The following LEPR variants were observed in gnomAD, a reference collection of about 807,000 sequenced individuals.
LEPR encodes the protein leptin receptor.
LEPR carries 56 observed loss-of-function variants against 114.7 expected under a neutral mutation model. The ratio of observed to expected loss-of-function variants is 0.49; its 90% CI spans 0.39 to 0.61. The LOEUF (loss-of-function observed/expected upper bound fraction) is 0.61. LEPR is among the 20% of genes least tolerant of loss of function. The pLI is 0.00. For synonymous variants in LEPR, 443 were observed against 461.4 expected, an observed-to-expected ratio of 0.96 and a Z score of 0.51; for missense variants, 1,202 against 1,352.9, an observed-to-expected ratio of 0.89 and a Z score of 1.75.
intron 1 of LEPR, among the ~76,000 whole-genome samples, chr1:65,423,209 T>C (rs1467456798): frequency 6.6e-6 from 1 of 152,142 alleles, no homozygotes; most frequent in East Asian, 1.9e-4. Flanking sequence ...TAGGACCTAC[T>C]CTGGGCTGGA....
At chr1:65,515,089 A>G (rs1238488930) in intron 2 of LEPR, among the ~76,000 whole-genome samples, 2 of 152,236 alleles carry the variant, frequency 1.3e-5, no homozygotes, top group African/African-American at 4.8e-5. Flanking sequence ...CCAGGATCTC[A>G]GCCAGCAGAT....
At chr1:65,635,288 G>C in intron 19 of LEPR, 4 of 980,232 alleles carry the variant, frequency 4.1e-6, no homozygotes, top group Non-Finnish European at 4.8e-6. Context: ...TGTATCAACA[G>C]CTTTTTTTAT....
chr1:65,432,164 T>C, intron 2 of LEPR: 1 of 1,150,260 alleles, frequency 8.7e-7, no homozygotes, highest in Non-Finnish European at 1.1e-6. Flanking sequence ...GTAGTCACGG[T>C]GCTCTCAGAA....
chr1:65,488,202 T>TCTCTCTCTCTCTC (rs1647637213), intron 2 of LEPR, among the ~76,000 whole-genome samples: 1 of 29,418 alleles, frequency 3.4e-5, no homozygotes, highest in Non-Finnish European at 6.8e-5. Flanking sequence ...CTTTCTTTCT[T>TCTCTCTCTCTCTC]TCTTTCTTTC....
chr1:65,607,737 C>A (rs1656905163), intron 11 of LEPR, among the ~76,000 whole-genome samples: 1 of 152,064 alleles, frequency 6.6e-6, no homozygotes, highest in Admixed American at 6.5e-5. Context: ...TTCCATATTG[C>A]CTGTTATTGT....
intron 19 of LEPR, among the ~76,000 whole-genome samples, chr1:65,624,342 A>G (rs1658064572): frequency 6.6e-6 from 1 of 151,912 alleles, no homozygotes; most frequent in Non-Finnish European, 1.5e-5. Context: ...GACAAGTGTT[A>G]TTCTCTCTAT....
rs970180662 is a variant in LEPR, at chr1:65,434,698, A to G, written c.-21+9320A>G. The G allele has an allele frequency of 7.0e-5, 69 of 984,792 alleles. No homozygotes were observed. The African/African-American group carries it at 1.1e-3, about 16-fold the overall frequency. 61.0% of individuals were successfully genotyped at this position (984,792 alleles called of 1,614,324 possible). On this transcript the variant is annotated intron_variant, in intron 2 of 19. Coordinates refer to ENST00000349533, the MANE Select transcript of LEPR (RefSeq NM_002303.6). ...AGGTCTTTCTCCTTTTAATTTTTCC[A>G]CTCATTTTCACCTCCTAATGCCCTT...
chr1:65,437,152 T>C (rs1419401071), intron 2 of LEPR, among the ~76,000 whole-genome samples: 1 of 152,076 alleles, frequency 6.6e-6, no homozygotes, highest in Non-Finnish European at 1.5e-5. Context: ...TGAACACAGG[T>C]TTTAATCGGA....
chr1:65,636,770 A>G lies in LEPR; in HGVS notation c.3253A>G (p.Ile1085Val), dbSNP rs754019392. Residue 1085 changes from isoleucine (I) to valine (V), a missense_variant, in exon 20 of 20, where the codon ATC becomes GTC. Coordinates refer to ENST00000349533, the MANE Select transcript of LEPR (RefSeq NM_002303.6). ...TATCTATTATTTAGGGGTCACCTCA[A>G]TCAAAAAGAGAGAGAGTGGTGTGCT... ...KSIYYLGVTS[I>V]KKRESGVLLT... The G allele has an allele frequency of 3.3e-5, 54 of 1,613,970 alleles. No homozygotes were observed. The South Asian group carries it at 3.8e-4, about 11-fold the overall frequency.
intron 5 of LEPR, among the ~76,000 whole-genome samples, chr1:65,580,244 G>A (rs10493379): frequency 0.3 from 45,255 of 151,934 alleles, 7,655 homozygotes; most frequent in East Asian, 0.83. Flanking sequence ...CTAATTCAAT[G>A]GGTAGAGCTG....
intron 2 of LEPR, among the ~76,000 whole-genome samples, chr1:65,456,592 G>T (rs2100355325): frequency 6.6e-6 from 1 of 152,170 alleles, no homozygotes; most frequent in East Asian, 1.9e-4. Flanking sequence ...AACTATTTTT[G>T]CTTTGAAGTC....
intron 2 of LEPR, among the ~76,000 whole-genome samples, chr1:65,474,727 G>T (rs1031650364): frequency 6.6e-6 from 1 of 152,116 alleles, no homozygotes; most frequent in African/African-American, 2.4e-5. Flanking sequence ...GCAAGAAAAG[G>T]CCAGGTGCGG....
chr1:65,628,036 A>G (rs941411962), intron 19 of LEPR, among the ~76,000 whole-genome samples: 20 of 152,112 alleles, frequency 1.3e-4, no homozygotes, highest in African/African-American at 4.8e-4. Context: ...CTGAACCTAT[A>G]ATTATGTTAA....
chr1:65,473,876 A>C (rs898020946), intron 2 of LEPR, among the ~76,000 whole-genome samples: 5 of 152,218 alleles, frequency 3.3e-5, no homozygotes, highest in Non-Finnish European at 2.9e-5. Context: ...GTTAGCTATA[A>C]TTATAAGAAA....
At chr1:65,521,398 A>G (rs1649629948) in intron 2 of LEPR, among the ~76,000 whole-genome samples, 1 of 152,074 alleles carries the variant, frequency 6.6e-6, no homozygotes, top group South Asian at 2.1e-4. Flanking sequence ...ATCTAGGATA[A>G]TCTCTTGCAT....
chr1:65,633,542 G>A lies in LEPR; in HGVS notation c.2674-2649G>A. On this transcript the variant is annotated intron_variant, in intron 19 of 19. Transcript: ENST00000349533. The surrounding 1 kb of genome is among the most constrained non-coding windows in gnomAD (Gnocchi z 4.1). ...TGTCATCAAATATGTAGTAGACAAT[G>A]CTGTAATTAGGTGAACTCTAAAACT... 3 of 1,021,414 alleles carry A rather than the reference G, an allele frequency of 2.9e-6. No homozygotes were observed. The highest frequency in any genetic ancestry group is 1.2e-6 in the Non-Finnish European group (1 of 852,428). 63.3% of individuals were successfully genotyped at this position (1,021,414 alleles called of 1,614,324 possible). A position where few individuals can be genotyped will look rare whatever the true frequency, so the allele number is the denominator to read the frequency against.
chr1:65,602,227 T>C (rs983423989), intron 10 of LEPR, among the ~76,000 whole-genome samples: 1 of 152,088 alleles, frequency 6.6e-6, no homozygotes, highest in Non-Finnish European at 1.5e-5. Context: ...GTATTTTAAC[T>C]CTTGAATGAA....
chr1:65,431,843 CA>C (rs765943423), intron 2 of LEPR: 13 of 1,613,972 alleles, frequency 8.1e-6, no homozygotes, highest in Non-Finnish European at 1.0e-5. Flanking sequence ...GCAGGCAATG[CA>C]GTCATTTTCC....
At chr1:65,551,577 G>T (rs1037234009) in intron 2 of LEPR, among the ~76,000 whole-genome samples, 1 of 152,136 alleles carries the variant, frequency 6.6e-6, no homozygotes. Context: ...ATTTTTTATT[G>T]TGTCTATTTG....
Sources: gnomAD v4.1 joint callset for allele counts (sites outside exome capture counted in the v4.1 genomes callset) on GRCh38, gnomAD v4.1.1 for gene constraint, Gnocchi (gnomAD v3.1) non-coding constraint, MANE v1.5 for transcripts, NCBI Gene and HGNC (gene_info 2026-07-23, HGNC 2026-07-21) for gene names.